ATM: variants seen among roughly 807,000 people sequenced by gnomAD.
ATM encodes serine-protein kinase ATM.
Under a neutral mutation model 387.0 loss-of-function variants are expected in ATM, and 308 were observed. The observed-to-expected ratio is 0.80, with a 90% CI of 0.73 to 0.87. The LOEUF is 0.87. Ranked by LOEUF, ATM falls within the 40% of genes least tolerant of loss-of-function variation. The pLI, the probability that ATM is intolerant of heterozygous loss-of-function variation, is 0.00. For synonymous variants in ATM, 1,156 were observed against 1,187.3 expected (o/e 0.97, Z 0.54); for missense variants, 3,312 against 3,560.9 (o/e 0.93, Z 1.78).
intron 43 of ATM, among the ~76,000 whole-genome samples, chr11:108,319,098 GC>G (rs1214662924): frequency 6.6e-6 from 1 of 151,738 alleles, no homozygotes; most frequent in Non-Finnish European, 1.5e-5. Context: ...GATCCCTTGA[GC>G]CCAGGAGGTG....
intron 28 of ATM, 69 bp downstream of exon 28, chr11:108,289,172 C>T (rs921305801): frequency 3.3e-5 from 48 of 1,446,202 alleles, no homozygotes; most frequent in Non-Finnish European, 2.6e-5. Flanking sequence ...TTTGTAAATA[C>T]ATCTTAAAGA....
At chr11:108,352,548 A>C (rs1471203344) in intron 59 of ATM, among the ~76,000 whole-genome samples, 1 of 152,176 alleles carries the variant, frequency 6.6e-6, no homozygotes, top group East Asian at 1.9e-4. Context: ...CCAAAAGAAC[A>C]ATCTTTAAGA....
intron 8 of ATM, among the ~76,000 whole-genome samples, chr11:108,248,681 G>C (rs2079971278): frequency 6.6e-6 from 1 of 152,188 alleles, no homozygotes; most frequent in African/African-American, 2.4e-5. Flanking sequence ...CTGAGGTTGG[G>C]AGTTCAAGAC....
chr11:108,235,340 T>C (rs1273693900), intron 4 of ATM, among the ~76,000 whole-genome samples: 1 of 151,568 alleles, frequency 6.6e-6, no homozygotes, highest in Non-Finnish European at 1.5e-5. Context: ...TATATTCCTA[T>C]AAAAGAGGCG....
At chr11:108,301,833 A>G (rs773191729) in intron 35 of ATM, 44 bp downstream of exon 35, 1 of 1,601,064 alleles carries the variant, frequency 6.2e-7, no homozygotes, top group African/African-American at 1.3e-5. Flanking sequence ...AGCATATCTA[A>G]AACAGTTCTG....
At chr11:108,248,842 C>T (rs2079979633) in intron 8 of ATM, 91 bp from the exon 9 acceptor site, 23 of 1,085,058 alleles carry the variant, frequency 2.1e-5, no homozygotes, top group Non-Finnish European at 2.5e-5. Flanking sequence ...GATACGAGAT[C>T]GTGCTGTTCC....
intron 1 of ATM, chr11:108,227,320 C>CT (rs2078789352): frequency 3.1e-6 from 1 of 318,402 alleles, no homozygotes; most frequent in Admixed American, 4.5e-5. Flanking sequence ...GTAAATTATA[C>CT]TTTTATTTTA....
chr11:108,275,602 AT>A (rs1333681076), intron 22 of ATM, among the ~76,000 whole-genome samples: 1 of 152,114 alleles, frequency 6.6e-6, no homozygotes, highest in African/African-American at 2.4e-5. Flanking sequence ...AAAGGATTTT[AT>A]TTCTCCTTTG....
At chr11:108,335,398 GTC>G (rs2086729471) in intron 55 of ATM, 2 of 803,588 alleles carry the variant, frequency 2.5e-6, no homozygotes, top group South Asian at 3.5e-5. Flanking sequence ...ATACTTTGGT[GTC>G]TGTCTCTTAT....
At chr11:108,305,985 A>G (rs1049694802) in intron 37 of ATM, among the ~76,000 whole-genome samples, 2 of 152,152 alleles carry the variant, frequency 1.3e-5, no homozygotes, top group African/African-American at 4.8e-5. Context: ...ATTTAATGTG[A>G]TATTTTGCCA....
chr11:108,243,910 A>G, intron 5 of ATM, 43 bp from the exon 6 acceptor site: 5 of 1,486,276 alleles, frequency 3.4e-6, no homozygotes, highest in Non-Finnish European at 4.5e-6. Context: ...ATACATTTTG[A>G]TTTTTAAAAA....
chr11:108,293,892 AAAATATAT>A (rs1443338243), intron 31 of ATM, among the ~76,000 whole-genome samples: 1 of 108,960 alleles, frequency 9.2e-6, no homozygotes, highest in African/African-American at 3.4e-5. Flanking sequence ...AAAAAAAAAA[AAAATATAT>A]ATATATATAT....
At position 108,280,999 on chromosome 11, in the gene ATM, A is replaced by G. The variant is rs768490475; in HGVS notation, c.3407A>G (p.His1136Arg). ...TTTTTTTAATTTCTTTTTAAGTCCC[A>G]TAGTGCTGAGAACCCTGAAACTTTG... The part of the protein sequence containing the change: ...KAQEGMREMS[H>R]SAENPETLDE... The change falls in exon 24 of 63, where the codon CAT (histidine) becomes CGT (arginine). Residue 1136 changes from histidine to arginine, a missense_variant. Physicochemically the swap from His to Arg is conservative, Grantham distance 29. Transcript: ENST00000675843. 14 of 1,608,004 alleles carry G rather than the reference A, an allele frequency of 8.7e-6. No homozygotes were observed. The highest frequency in any genetic ancestry group is 1.6e-4 in the Middle Eastern group (1 of 6,064).
intron 16 of ATM, among the ~76,000 whole-genome samples, chr11:108,261,225 G>A (rs376811319): frequency 3.3e-5 from 5 of 152,224 alleles, no homozygotes; most frequent in Admixed American, 6.5e-5. Context: ...TGCAGACTTA[G>A]ATGTCCCTGT....
At chr11:108,348,551 A>T (rs1360996012) in intron 59 of ATM, among the ~76,000 whole-genome samples, 12 of 151,934 alleles carry the variant, frequency 7.9e-5, no homozygotes, top group Admixed American at 5.9e-4. Context: ...TGGAATAGAC[A>T]GTTTAATATA....
At chr11:108,275,055 T>C (rs988565575) in intron 22 of ATM, among the ~76,000 whole-genome samples, 3 of 152,220 alleles carry the variant, frequency 2.0e-5, no homozygotes, top group African/African-American at 7.2e-5. Flanking sequence ...TGCTCCTGTA[T>C]TGGGTGCATA....
Position 108,227,698 on chromosome 11 carries a change from TA to T in ATM, c.72+3del, listed in dbSNP as rs1383128581. 1 of 1,613,208 alleles carries T rather than the reference TA, an allele frequency of 6.2e-7. No individual in the cohort carries two copies. Among genetic ancestry groups the T allele is most frequent in the Non-Finnish European group, 8.5e-7 (1 of 1,179,634 alleles). On this transcript the variant is annotated splice_donor_region_variant and intron_variant, in intron 2 of 62. Transcript: ENST00000675843. The stretch of plus-strand genomic sequence containing the variant: ...CATGATAGAGCTACAGAACGAAAGG[TA>T]GTAAATTACTTAAATTCAATTTTTC...
intron 56 of ATM, among the ~76,000 whole-genome samples, chr11:108,336,987 T>C (rs769767686): frequency 1.3e-5 from 2 of 152,256 alleles, no homozygotes; most frequent in African/African-American, 2.4e-5. Context: ...TAACAGGGAC[T>C]ATGGGTGACA....
chr11:108,243,007 C>T (rs1309733375), intron 5 of ATM, among the ~76,000 whole-genome samples: 1 of 151,424 alleles, frequency 6.6e-6, no homozygotes, highest in Non-Finnish European at 1.5e-5. Context: ...ATCACTTGAG[C>T]CCAGGAGTTC....
Sources: gnomAD v4.1 joint callset for allele counts (sites outside exome capture counted in the v4.1 genomes callset) on GRCh38, gnomAD v4.1.1 for gene constraint, MANE v1.5 for transcripts, NCBI Gene and HGNC (gene_info 2026-07-23, HGNC 2026-07-21) for gene names.